Variants in PAG1 observed in about 807,000 individuals in gnomAD.
The protein encoded by PAG1 is phosphoprotein membrane anchor with glycosphingolipid microdomains 1.
A neutral mutation model predicts 31.7 loss-of-function variants in PAG1; 23 were observed. That is an observed-to-expected ratio of 0.73 (90% confidence interval 0.52 to 1.03). The LOEUF (loss-of-function observed/expected upper bound fraction) is 1.03. PAG1 is among the 50% of genes least tolerant of loss of function. The pLI is 0.00. For synonymous variants in PAG1, 214 were observed against 210.3 expected, an observed-to-expected ratio of 1.02 and a Z score of -0.15; for missense variants, 473 against 540.7, an observed-to-expected ratio of 0.87 and a Z score of 1.24.
intron 1 of PAG1, among the ~76,000 whole-genome samples, chr8:81,094,595 T>C (rs1809497302): frequency 6.6e-6 from 1 of 152,176 alleles, no homozygotes; most frequent in African/African-American, 2.4e-5. Flanking sequence ...AACACCAATA[T>C]TAAGATCCAA....
In PAG1 at chr8:80,971,321, C is replaced by G. The variant is rs1475925577; in HGVS notation, c.*5223G>C. 1 of 152,136 alleles carries G rather than the reference C, an allele frequency of 6.6e-6. No homozygotes were observed. The highest frequency in any genetic ancestry group is 1.5e-5 in the Non-Finnish European group (1 of 68,008). 9.4% of individuals were successfully genotyped at this position (152,136 alleles called of 1,614,324 possible). ...GGCCCATGTAATAGACAATATGTCA[C>G]TTTTGGTGTAACTATTTTTATGAGG... On this transcript the variant is annotated 3_prime_UTR_variant, in exon 9 of 9. Coordinates refer to ENST00000220597, the MANE Select transcript of PAG1 (RefSeq NM_018440.4).
intron 3 of PAG1, among the ~76,000 whole-genome samples, chr8:81,007,471 A>G (rs1303537360): frequency 1.0e-4 from 3 of 28,756 alleles, no homozygotes; most frequent in African/African-American, 2.0e-4. Flanking sequence ...AAAATACAAA[A>G]AAAAAAAAAA....
At chr8:81,076,293 C>G (rs992599275) in intron 1 of PAG1, among the ~76,000 whole-genome samples, 2 of 152,218 alleles carry the variant, frequency 1.3e-5, no homozygotes, top group Non-Finnish European at 2.9e-5. Context: ...CAGTTTCCTT[C>G]TTGGTATCAC....
At chr8:81,009,090 TCC>T (rs1446227745) in intron 3 of PAG1, among the ~76,000 whole-genome samples, 1 of 152,204 alleles carries the variant, frequency 6.6e-6, no homozygotes, top group East Asian at 1.9e-4. Flanking sequence ...TTTCTTCTTT[TCC>T]CCTCACATGG....
intron 1 of PAG1, among the ~76,000 whole-genome samples, chr8:81,101,530 A>G (rs1406450361): frequency 2.0e-5 from 3 of 152,226 alleles, no homozygotes; most frequent in South Asian, 2.1e-4. Context: ...ATCTGTTCGT[A>G]TAAGAGAAAA....
chr8:81,030,040 A>C lies in PAG1; in HGVS notation c.-125T>G, dbSNP rs944890097. ...CAGTAGAGTATTCCAAGTTCTGGCA[A>C]TGTATTCCCTTTGAAATGTTGTGGT... On this transcript the variant is annotated 5_prime_UTR_variant, in exon 3 of 9. Transcript: ENST00000220597. The C allele has an allele frequency of 3.3e-5, 5 of 152,244 alleles. No individual in the cohort carries two copies. The highest frequency in any genetic ancestry group is 2.6e-4 in the Admixed American group (4 of 15,286). 9.4% of individuals were successfully genotyped at this position (152,244 alleles called of 1,614,324 possible). A position where few individuals can be genotyped will look rare whatever the true frequency, so the allele number is the denominator to read the frequency against.
chr8:81,038,654 T>A (rs1485604667), intron 2 of PAG1, among the ~76,000 whole-genome samples: 1 of 152,122 alleles, frequency 6.6e-6, no homozygotes, highest in Non-Finnish European at 1.5e-5. Flanking sequence ...TGAGTACATA[T>A]ATATGTATGT....
chr8:81,017,556 C>T (rs1262192451), intron 3 of PAG1, among the ~76,000 whole-genome samples: 1 of 152,186 alleles, frequency 6.6e-6, no homozygotes, highest in Non-Finnish European at 1.5e-5. Flanking sequence ...AGGATGGAGA[C>T]TTAGGGCAAG....
chr8:81,072,341 T>C (rs1262214621), intron 1 of PAG1, among the ~76,000 whole-genome samples: 3 of 152,152 alleles, frequency 2.0e-5, no homozygotes, highest in Non-Finnish European at 4.4e-5. Flanking sequence ...TAAACACCAA[T>C]GTAAAATACA....
At position 81,073,707 on chromosome 8, in the gene PAG1, T is replaced by C. The variant is rs114713503; in HGVS notation, c.-233-3537A>G. ...GTGGGGGTTTCGATATTGACCAAGA[T>C]GAAATTCCCTGTCCTATGTATCTTT... On this transcript the variant is annotated intron_variant, in intron 1 of 8. Coordinates refer to ENST00000220597, the MANE Select transcript of PAG1 (RefSeq NM_018440.4). 5.1e-3 allele frequency among the ~76,000 whole-genome samples: 783 copies of C among 152,306 alleles called. 8 individuals carry two copies. Among genetic ancestry groups the C allele is most frequent in the African/African-American group, 0.018 (751 of 41,572 alleles).
intron 1 of PAG1, among the ~76,000 whole-genome samples, chr8:81,103,372 G>A (rs1377020490): frequency 6.6e-6 from 1 of 152,054 alleles, no homozygotes; most frequent in South Asian, 2.1e-4. Flanking sequence ...GGAGTGGTAC[G>A]AACCCAGGAC....
chr8:81,092,189 C>CAAAAAAAAAAAAAAAAAAAA (rs58417714), intron 1 of PAG1, among the ~76,000 whole-genome samples: 1 of 71,402 alleles, frequency 1.4e-5, no homozygotes, highest in African/African-American at 5.7e-5. Flanking sequence ...CACATCTCTG[C>CAAAAAAAAAAAAAAAAAAAA]AAAAAAAAAA....
intron 3 of PAG1, among the ~76,000 whole-genome samples, chr8:81,017,888 C>T (rs1180928235): frequency 1.3e-5 from 2 of 152,210 alleles, no homozygotes; most frequent in African/African-American, 2.4e-5. Flanking sequence ...AAGTGGACAG[C>T]CACTACTCAA....
At chr8:81,108,005 T>C (rs768830240) in intron 1 of PAG1, among the ~76,000 whole-genome samples, 4 of 152,250 alleles carry the variant, frequency 2.6e-5, no homozygotes, top group Non-Finnish European at 4.4e-5. Context: ...AGTTTGCATT[T>C]CTTTTACATG....
intron 2 of PAG1, among the ~76,000 whole-genome samples, chr8:81,048,368 G>A (rs1311450747): frequency 1.3e-5 from 2 of 152,136 alleles, no homozygotes; most frequent in South Asian, 2.1e-4. Flanking sequence ...AGGGGAGGTT[G>A]AGTGACATAC....
intron 1 of PAG1, among the ~76,000 whole-genome samples, chr8:81,109,300 A>G (rs569794349): frequency 1.4e-4 from 22 of 152,368 alleles, no homozygotes; most frequent in African/African-American, 5.3e-4. Context: ...ATTGAGGATA[A>G]TAATGCAACT....
chr8:81,098,414 T>C (rs933473401), intron 1 of PAG1, among the ~76,000 whole-genome samples: 1 of 152,230 alleles, frequency 6.6e-6, no homozygotes, highest in African/African-American at 2.4e-5. Flanking sequence ...GAACTCTAAA[T>C]ATCTTTCCTT....
At chr8:80,993,040 A>C in intron 4 of PAG1, 63 bp downstream of exon 4, 1 of 1,437,262 alleles carries the variant, frequency 7.0e-7, no homozygotes, top group Non-Finnish European at 9.4e-7. Context: ...TTTCCACAGA[A>C]ACTCTTCTGG....
intron 2 of PAG1, among the ~76,000 whole-genome samples, chr8:81,036,696 G>A (rs187898840): frequency 2.6e-5 from 4 of 152,246 alleles, no homozygotes; most frequent in East Asian, 1.9e-4. Context: ...TTCATCAGCC[G>A]CTCTTCTCCC....
Sources: gnomAD v4.1 joint callset for allele counts (sites outside exome capture counted in the v4.1 genomes callset) on GRCh38, gnomAD v4.1.1 for gene constraint, MANE v1.5 for transcripts, NCBI Gene and HGNC (gene_info 2026-07-23, HGNC 2026-07-21) for gene names.